TBL1Y: variants seen among roughly 807,000 people sequenced by gnomAD.
TBL1Y encodes F-box-like/WD repeat-containing protein TBL1Y.
Under a neutral mutation model 12.0 loss-of-function variants are expected in TBL1Y, and 15 were observed. The observed-to-expected ratio is 1.25, with a 90% CI of 0.83 to 1.92. The LOEUF (loss-of-function observed/expected upper bound fraction) is 1.92. TBL1Y is among the 40% of genes most tolerant of loss of function. TBL1Y has a pLI of 0.00. For synonymous variants in TBL1Y, 53 were observed against 42.6 expected, an observed-to-expected ratio of 1.24 and a Z score of -0.95; for missense variants, 148 against 116.7, an observed-to-expected ratio of 1.27 and a Z score of -1.24.
intron 6 of TBL1Y, among the ~76,000 whole-genome samples, chrY:7,041,165 C>A (rs2012718954): frequency 3.0e-5 from 1 of 33,705 alleles, no homozygotes; most frequent in Non-Finnish European, 7.3e-5. Context: ...ACAAACTGAG[C>A]AATGGGAGGC....
intron 3 of TBL1Y, among the ~76,000 whole-genome samples, chrY:6,988,607 T>A (rs1035716152): frequency 1.7e-4 from 5 of 30,142 alleles, no homozygotes; most frequent in Admixed American, 6.3e-4. Context: ...CTTCAGTGAG[T>A]CGTGATTGCA....
intron 2 of TBL1Y, among the ~76,000 whole-genome samples, chrY:6,915,179 T>C: frequency 3.0e-5 from 1 of 33,504 alleles, no homozygotes. Flanking sequence ...TGTAGTGCCA[T>C]ATCTGTTATT....
chrY:6,927,784 A>G, intron 2 of TBL1Y, among the ~76,000 whole-genome samples: 1 of 33,631 alleles, frequency 3.0e-5, no homozygotes, highest in Non-Finnish European at 7.3e-5. Flanking sequence ...GGGTTGTTAT[A>G]AAAGTTCTTG....
intron 2 of TBL1Y, among the ~76,000 whole-genome samples, chrY:6,953,628 C>T: frequency 3.0e-5 from 1 of 33,535 alleles, no homozygotes; most frequent in African/African-American, 1.2e-4. Flanking sequence ...TTCGAACTTC[C>T]TCCTTTAGCT....
intron 4 of TBL1Y, among the ~76,000 whole-genome samples, chrY:6,997,407 G>C: frequency 3.1e-5 from 1 of 32,193 alleles, no homozygotes; most frequent in Non-Finnish European, 7.5e-5. Context: ...GACAGAGCAA[G>C]ACGCGATCAC....
Position 6,995,918 on chromosome Y carries a change from G to C in TBL1Y, c.-140+20G>C. 3.1e-5 allele frequency: 1 copy of C among 32,613 alleles called. No homozygotes were observed. The highest frequency in any genetic ancestry group is 7.3e-5 in the Non-Finnish European group (1 of 13,760). The allele number at this position is 32,613 out of a possible 400,897, so 8.1% of individuals were successfully genotyped here. On this transcript the variant is annotated intron_variant, in intron 4 of 18. Coordinates refer to ENST00000383032, the MANE Select transcript of TBL1Y (RefSeq NM_033284.2). ...AAAGAGGTAACTTCTCATGTTTGCT[G>C]GTTCACAGGTGTAGGGAGATGTCTT...
intron 8 of TBL1Y, among the ~76,000 whole-genome samples, chrY:7,064,994 G>C: frequency 8.9e-5 from 3 of 33,629 alleles, no homozygotes; most frequent in African/African-American, 2.3e-4. Flanking sequence ...AGGAAAAGGA[G>C]AGTAAGAGAA....
intron 8 of TBL1Y, 49 bp downstream of exon 8, chrY:7,064,198 T>C (rs1351827333): frequency 1.5e-5 from 6 of 389,319 alleles, no homozygotes; most frequent in East Asian, 9.3e-5. Flanking sequence ...GGGTTCATTG[T>C]TTTCTTTTAA....
intron 2 of TBL1Y, among the ~76,000 whole-genome samples, chrY:6,921,056 G>T (rs2011774054): frequency 3.1e-5 from 1 of 32,662 alleles, no homozygotes; most frequent in Non-Finnish European, 7.5e-5. Context: ...CATAACAAAG[G>T]GGGACGTGGG....
chrY:6,945,884 T>C, intron 2 of TBL1Y, among the ~76,000 whole-genome samples: 1 of 33,990 alleles, frequency 2.9e-5, no homozygotes, highest in African/African-American at 1.1e-4. Flanking sequence ...TAGGCAGTCT[T>C]AAGAGTATAG....
At chrY:6,951,269 C>A in intron 2 of TBL1Y, among the ~76,000 whole-genome samples, 1 of 33,307 alleles carries the variant, frequency 3.0e-5, no homozygotes, top group African/African-American at 1.2e-4. Context: ...CCAGCTCCTC[C>A]TTGTACCTCT....
intron 3 of TBL1Y, among the ~76,000 whole-genome samples, chrY:6,980,309 C>T (rs559675525): frequency 2.0e-3 from 66 of 33,643 alleles, no homozygotes; most frequent in South Asian, 5.6e-3. Context: ...GTTTTATCTG[C>T]GGTATTTATG....
intron 2 of TBL1Y, among the ~76,000 whole-genome samples, chrY:6,934,423 C>T (rs2011888795): frequency 3.0e-5 from 1 of 33,077 alleles, no homozygotes; most frequent in Non-Finnish European, 7.4e-5. Flanking sequence ...TCCCCAACCA[C>T]GCTCCACTCC....
chrY:7,036,212 C>T, intron 6 of TBL1Y, among the ~76,000 whole-genome samples: 1 of 33,527 alleles, frequency 3.0e-5, no homozygotes, highest in Non-Finnish European at 7.4e-5. Context: ...CTGAGCAATT[C>T]ATCATGAGTA....
At chrY:6,962,213 A>G (rs1603030676) in intron 2 of TBL1Y, among the ~76,000 whole-genome samples, 1 of 33,516 alleles carries the variant, frequency 3.0e-5, no homozygotes, top group Non-Finnish European at 7.4e-5. Flanking sequence ...TCCATGTGAT[A>G]TAATATTTAT....
At chrY:6,948,892 T>C (rs2012005323) in intron 2 of TBL1Y, among the ~76,000 whole-genome samples, 1 of 30,969 alleles carries the variant, frequency 3.2e-5, no homozygotes, top group African/African-American at 1.3e-4. Flanking sequence ...AAAACAGGCT[T>C]TAATAAGTAC....
intron 6 of TBL1Y, 162 bp from the exon 7 acceptor site, chrY:7,042,818 A>G: frequency 4.6e-6 from 1 of 218,240 alleles, no homozygotes; most frequent in Non-Finnish European, 5.5e-6. Flanking sequence ...TTTCCACCTT[A>G]CTGAGCCCAA....
chrY:7,042,394 C>CT (rs749359652), intron 6 of TBL1Y, among the ~76,000 whole-genome samples: 29 of 24,918 alleles, frequency 1.2e-3, no homozygotes, highest in East Asian at 5.1e-3. Flanking sequence ...TGCTTTATTC[C>CT]TTTTTTTTTT....
At chrY:6,947,631 C>T in intron 2 of TBL1Y, among the ~76,000 whole-genome samples, 1 of 33,844 alleles carries the variant, frequency 3.0e-5, no homozygotes, top group Non-Finnish European at 7.3e-5. Context: ...TAATTTTTCT[C>T]TCTCCAGTTT....
Sources: gnomAD v4.1 joint callset for allele counts (sites outside exome capture counted in the v4.1 genomes callset) on GRCh38, gnomAD v4.1.1 for gene constraint, MANE v1.5 for transcripts, NCBI Gene and HGNC (gene_info 2026-07-23, HGNC 2026-07-21) for gene names.